SYNE1: variants seen among roughly 807,000 people sequenced by gnomAD.
The protein encoded by SYNE1 is nesprin-1.
Under a neutral mutation model 1,111.0 loss-of-function variants are expected in SYNE1, and 616 were observed. The ratio of observed to expected loss-of-function variants is 0.55; its 90% CI spans 0.52 to 0.59. The LOEUF is 0.59. Among genes scored for constraint, SYNE1 ranks in the 20% least tolerant of loss-of-function variants. The probability of loss-of-function intolerance (pLI) is 0.00; values close to 1 mark genes in which losing one functional copy is unlikely to be tolerated. For synonymous variants in SYNE1, 3,855 were observed against 3,825.8 expected (o/e 1.01, Z -0.28); for missense variants, 10,006 against 10,417.0 (o/e 0.96, Z 1.72).
At chr6:152,567,261 T>G (rs1262413510) in intron 3 of SYNE1, among the ~76,000 whole-genome samples, 3 of 152,218 alleles carry the variant, frequency 2.0e-5, no homozygotes, top group African/African-American at 7.2e-5. Context: ...CCATTATATA[T>G]ATGCCACAAT....
intron 58 of SYNE1, among the ~76,000 whole-genome samples, chr6:152,374,604 T>C (rs2097248915): frequency 6.6e-6 from 1 of 152,048 alleles, no homozygotes; most frequent in African/African-American, 2.4e-5. Flanking sequence ...TGAAACCCCT[T>C]CTCTACCAAA....
chr6:152,605,006 AAGAGAGAGAGAGAGAGAGAGAGAGAG>A (rs1166561188), intron 3 of SYNE1, among the ~76,000 whole-genome samples: 16 of 25,578 alleles, frequency 6.3e-4, no homozygotes, highest in African/African-American at 3.1e-3. Flanking sequence ...GAAAGAAAGA[AAGAGAGAGAGAGAGAGAGAGAGAGAG>A]AGAGGGAGGG....
chr6:152,339,785 G>A lies in SYNE1; in HGVS notation c.12226-419C>T, dbSNP rs530869210. 3.2e-3 allele frequency among the ~76,000 whole-genome samples: 494 copies of A among 152,318 alleles called. 2 individuals carry two copies. The highest frequency in any genetic ancestry group is 6.8e-3 in the Middle Eastern group (2 of 294). On this transcript the variant is annotated intron_variant, in intron 74 of 145. Coordinates refer to ENST00000367255, the MANE Select transcript of SYNE1 (RefSeq NM_182961.4). ...GAGTTGGTAGGTTTCATTGGAGTGAGGTTAAAACACAGATGTCTGGGCTTC... is the reference window on the plus strand; with the variant it reads ...GAGTTGGTAGGTTTCATTGGAGTGAAGTTAAAACACAGATGTCTGGGCTTC...
At chr6:152,480,564 C>A (rs923640712) in intron 14 of SYNE1, among the ~76,000 whole-genome samples, 22 of 152,264 alleles carry the variant, frequency 1.4e-4, no homozygotes, top group Middle Eastern at 3.4e-3. Context: ...CAAAGCTTAG[C>A]TTATTATAGG....
rs59642173 is a variant in SYNE1 at position 152,303,903 on chromosome 6, G to GCACA, written c.17347-1844_17347-1841dup. ...CTGTATGCAAAACACGTGTGCACAT[G>GCACA]CACACACACACACACACACACACAT... On this transcript the variant is annotated intron_variant, in intron 91 of 145. Coordinates refer to ENST00000367255, the MANE Select transcript of SYNE1 (RefSeq NM_182961.4). Among the ~76,000 whole-genome samples the GCACA allele has an allele frequency of 3.1e-3, 458 of 149,452 alleles. 4 individuals carry two copies. The highest frequency in any genetic ancestry group is 0.01 in the African/African-American group (420 of 40,838).
rs2096653399 is a variant in SYNE1 at position 152,347,254 on chromosome 6, T to C, written c.11902-19A>G. 3 of 1,613,850 alleles carry C rather than the reference T, an allele frequency of 1.9e-6. No individual in the cohort carries two copies. Among genetic ancestry groups the C allele is most frequent in the Non-Finnish European group, 2.5e-6 (3 of 1,179,950 alleles). On this transcript the variant is annotated intron_variant, in intron 72 of 145. Transcript: ENST00000367255. ...TCATTGCCTGCAAAAGTGAAACCAA[T>C]ACAGAGTTTTCAGAATTCTACTTTT...
At chr6:152,299,953 G>A (rs1359360085) in intron 93 of SYNE1, among the ~76,000 whole-genome samples, 8 of 151,896 alleles carry the variant, frequency 5.3e-5, no homozygotes, top group Admixed American at 5.2e-4. Context: ...TACTATAAAG[G>A]CATATTTTTG....
At chr6:152,563,832 T>C (rs1156395097) in intron 3 of SYNE1, among the ~76,000 whole-genome samples, 3 of 152,174 alleles carry the variant, frequency 2.0e-5, no homozygotes, top group African/African-American at 7.2e-5. Context: ...GATTTGTTCT[T>C]TGAACTTTCT....
At position 152,582,475 on chromosome 6, in the gene SYNE1, T is replaced by TTA. The variant is rs1434592401; in HGVS notation, c.68-42456_68-42455dup. Reference sequence around the variant, plus strand: ...CACTGAGTTAAATTTTAAGTCAAATTTATATATATACACACACACATATAT... The same window carrying TTA: ...CACTGAGTTAAATTTTAAGTCAAATTTATATATATATACACACACACATATAT... On this transcript the variant is annotated intron_variant, in intron 3 of 145. Transcript: ENST00000367255. 3.9e-5 allele frequency among the ~76,000 whole-genome samples: 6 copies of TTA among 152,048 alleles called. No individual in the cohort carries two copies. In the East Asian group the frequency reaches 5.8e-4, roughly 15 times the overall value.
chr6:152,531,109 C>T (rs2099198030), intron 4 of SYNE1, among the ~76,000 whole-genome samples: 2 of 151,960 alleles, frequency 1.3e-5, no homozygotes, highest in African/African-American at 4.8e-5. Context: ...ATAATGACCA[C>T]AAAGTGCAAG....
chr6:152,234,587 G>A lies in SYNE1; in HGVS notation c.20529+81C>T, dbSNP rs200939343. On this transcript the variant is annotated intron_variant, in intron 111 of 145. Transcript: ENST00000367255. ...ATTACAGGTGTGAGCCACCGCACCC[G>A]GCCTGACTTCTTTTCTACTGGTGTA... 1.9e-3 allele frequency: 2,909 copies of A among 1,568,502 alleles called. 5 individuals are homozygous for A. The highest frequency in any genetic ancestry group is 3.0e-3 in the Middle Eastern group (18 of 5,974).
intron 3 of SYNE1, among the ~76,000 whole-genome samples, chr6:152,613,737 A>C (rs907471251): frequency 2.6e-5 from 4 of 152,198 alleles, no homozygotes; most frequent in Admixed American, 2.6e-4. Context: ...TTCAAACTAT[A>C]CTACAAGGCC....
At chr6:152,446,606 G>A (rs2098594835) in intron 29 of SYNE1, among the ~76,000 whole-genome samples, 1 of 152,088 alleles carries the variant, frequency 6.6e-6, no homozygotes, top group Admixed American at 6.5e-5. Context: ...TCATTTTCTT[G>A]TAATCCATTA....
rs192935696 is a variant in SYNE1, at chr6:152,397,019, T to C, written c.7351-39A>G. The C allele has an allele frequency of 7.9e-4, 1,257 of 1,593,396 alleles. 5 individuals carry two copies. The African/African-American group carries it at 9.3e-3, about 12-fold the overall frequency. ...TAAAGGTAATAGGTCCATGGGACTATGCATTACAATTGTGAGCTGAAGTAG... is the reference window on the plus strand; with the variant it reads ...TAAAGGTAATAGGTCCATGGGACTACGCATTACAATTGTGAGCTGAAGTAG... On this transcript the variant is annotated intron_variant, in intron 49 of 145. Transcript: ENST00000367255.
chr6:152,205,125 G>T (rs2076260349), intron 126 of SYNE1, among the ~76,000 whole-genome samples: 2 of 151,480 alleles, frequency 1.3e-5, no homozygotes, highest in Non-Finnish European at 2.9e-5. Flanking sequence ...AATCCAATGG[G>T]TATGTATGCA....
intron 8 of SYNE1, among the ~76,000 whole-genome samples, chr6:152,509,951 G>T (rs1170724367): frequency 2.0e-5 from 3 of 152,126 alleles, no homozygotes; most frequent in African/African-American, 7.2e-5. Context: ...GGATTAGTCA[G>T]TTTAATTAAT....
intron 95 of SYNE1, among the ~76,000 whole-genome samples, chr6:152,293,017 GC>G (rs2094685852): frequency 6.6e-6 from 1 of 152,158 alleles, no homozygotes; most frequent in East Asian, 1.9e-4. Context: ...TTATCTTTCT[GC>G]ATTAGATTAA....
intron 16 of SYNE1, among the ~76,000 whole-genome samples, chr6:152,466,625 T>C (rs1473395478): frequency 2.0e-5 from 3 of 152,100 alleles, no homozygotes; most frequent in Non-Finnish European, 2.9e-5. Flanking sequence ...ACAGAAAAAT[T>C]GCAGTAAGAC....
At chr6:152,288,972 G>C (rs530527529) in intron 95 of SYNE1, among the ~76,000 whole-genome samples, 2 of 152,154 alleles carry the variant, frequency 1.3e-5, no homozygotes, top group African/African-American at 4.8e-5. Context: ...GCTCAGGGGG[G>C]GCGTGAGATT....
Sources: gnomAD v4.1 joint callset for allele counts (sites outside exome capture counted in the v4.1 genomes callset) on GRCh38, gnomAD v4.1.1 for gene constraint, MANE v1.5 for transcripts, NCBI Gene and HGNC (gene_info 2026-07-23, HGNC 2026-07-21) for gene names.